EML6: variants seen among roughly 807,000 people sequenced by gnomAD.
EML6 encodes the protein echinoderm microtubule-associated protein-like 6.
A neutral mutation model predicts 240.1 loss-of-function variants in EML6; 154 were observed. The observed-to-expected ratio is 0.64, with a 90% CI of 0.56 to 0.73. The LOEUF (loss-of-function observed/expected upper bound fraction) is 0.73. Ranked by LOEUF, EML6 falls within the 30% of genes least tolerant of loss-of-function variation. The probability of loss-of-function intolerance (pLI) is 0.00; values close to 1 mark genes in which losing one functional copy is unlikely to be tolerated. For missense variants in EML6, 2,964 were observed against 2,474.6 expected, an observed-to-expected ratio of 1.20 and a Z score of -4.20; for synonymous variants, 1,148 against 899.0, an observed-to-expected ratio of 1.28 and a Z score of -4.95.
chr2:54,915,777 T>A (rs1673877569), intron 25 of EML6, among the ~76,000 whole-genome samples: 1 of 152,096 alleles, frequency 6.6e-6, no homozygotes, highest in Non-Finnish European at 1.5e-5. Context: ...GCAAAACAGT[T>A]TCAAATTCAA....
intron 21 of EML6, among the ~76,000 whole-genome samples, chr2:54,895,736 T>C (rs1672728247): frequency 1.3e-5 from 2 of 152,214 alleles, no homozygotes; most frequent in Admixed American, 1.3e-4. Context: ...ACTCATGTTG[T>C]TGGCAGAATT....
chr2:54,857,618 A>G lies in EML6; in HGVS notation c.1658-1916A>G, dbSNP rs531769846. Among the ~76,000 whole-genome samples, 4 of 152,316 alleles carry G rather than the reference A, an allele frequency of 2.6e-5. No individual in the cohort carries two copies. In the South Asian group the frequency reaches 6.2e-4, roughly 24 times the overall value. On this transcript the variant is annotated intron_variant, in intron 11 of 41. Transcript: ENST00000356458. Reference sequence around the variant, plus strand: ...AAAATAAAGCAAACAGTGGGAGCAGAGAATGCTGGAATTGGGCAGTGCAGT... The same window carrying G: ...AAAATAAAGCAAACAGTGGGAGCAGGGAATGCTGGAATTGGGCAGTGCAGT...
chr2:54,936,783 T>C (rs977691079), intron 28 of EML6, among the ~76,000 whole-genome samples: 1 of 152,198 alleles, frequency 6.6e-6, no homozygotes, highest in Non-Finnish European at 1.5e-5. Flanking sequence ...ACTTATAGCA[T>C]TTTTCACCTG....
At chr2:54,955,210 G>C (rs962898872) in intron 32 of EML6, among the ~76,000 whole-genome samples, 14 of 152,210 alleles carry the variant, frequency 9.2e-5, no homozygotes, top group Admixed American at 8.5e-4. Context: ...CAGGGGTGCA[G>C]ATTCATTCCT....
chr2:54,902,215 C>T (rs1673094068), intron 22 of EML6, among the ~76,000 whole-genome samples: 1 of 152,140 alleles, frequency 6.6e-6, no homozygotes, highest in African/African-American at 2.4e-5. Context: ...TTAAATATTA[C>T]CTCTTTTCTT....
At chr2:54,871,266 A>G (rs143522500) in intron 15 of EML6, among the ~76,000 whole-genome samples, 24 of 152,350 alleles carry the variant, frequency 1.6e-4, no homozygotes, top group Admixed American at 1.1e-3. Context: ...AGGCCCAGGC[A>G]TCAGGTTAGG....
rs148679955 is a variant in EML6 at position 54,803,067 on chromosome 2, T to C, written c.198-10165T>C. On this transcript the variant is annotated intron_variant, in intron 2 of 41. Transcript: ENST00000356458. ...AAACACCAACTTGCTGGATGAAATA[T>C]TACATATGATCCTCATTGAAAGAGA... 1.1e-3 allele frequency among the ~76,000 whole-genome samples: 163 copies of C among 152,140 alleles called. 1 individual carries two copies. Among genetic ancestry groups the C allele is most frequent in the African/African-American group, 3.7e-3 (153 of 41,512 alleles).
chr2:54,917,273 A>T (rs937465403), intron 26 of EML6, among the ~76,000 whole-genome samples: 5 of 150,684 alleles, frequency 3.3e-5, no homozygotes, highest in Non-Finnish European at 5.9e-5. Context: ...ATCACACAGC[A>T]CCCCAACTGA....
chr2:54,950,405 G>T (rs934250242), intron 29 of EML6, among the ~76,000 whole-genome samples: 1 of 152,196 alleles, frequency 6.6e-6, no homozygotes, highest in Non-Finnish European at 1.5e-5. Context: ...GTAAATCTGG[G>T]TTTTTTGGAA....
chr2:54,827,945 C>T (rs1668675660), intron 6 of EML6, among the ~76,000 whole-genome samples, 194 bp downstream of exon 6: 1 of 152,120 alleles, frequency 6.6e-6, no homozygotes, highest in East Asian at 1.9e-4. Flanking sequence ...TGTAATTAGC[C>T]CTCACCTTAA....
chr2:54,944,692 T>C (rs2104459099), intron 28 of EML6, among the ~76,000 whole-genome samples: 1 of 152,218 alleles, frequency 6.6e-6, no homozygotes, highest in South Asian at 2.1e-4. Flanking sequence ...CAAGAGCATT[T>C]TCAAGAGGGT....
At chr2:54,951,626 G>A (rs1460806023) in intron 30 of EML6, among the ~76,000 whole-genome samples, 3 of 150,884 alleles carry the variant, frequency 2.0e-5, no homozygotes, top group Non-Finnish European at 4.4e-5. Flanking sequence ...GAACCATTCA[G>A]AAATTAACAG....
intron 7 of EML6, among the ~76,000 whole-genome samples, chr2:54,837,666 C>G (rs1276506297): frequency 6.6e-6 from 1 of 152,184 alleles, no homozygotes; most frequent in African/African-American, 2.4e-5. Flanking sequence ...AGCTGGTGAC[C>G]TGCTGGGCAC....
intron 26 of EML6, among the ~76,000 whole-genome samples, chr2:54,917,653 G>A (rs754830936): frequency 2.6e-5 from 4 of 152,126 alleles, no homozygotes; most frequent in Non-Finnish European, 4.4e-5. Flanking sequence ...GAGCCACTGC[G>A]CCTGGCCTCT....
At chr2:54,885,019 G>A (rs961879976) in intron 17 of EML6, among the ~76,000 whole-genome samples, 2 of 151,950 alleles carry the variant, frequency 1.3e-5, no homozygotes, top group African/African-American at 4.8e-5. Context: ...AAAATTACCC[G>A]GGCATGATGG....
chr2:54,765,592 G>A (rs1177714625), intron 2 of EML6, among the ~76,000 whole-genome samples: 2 of 152,050 alleles, frequency 1.3e-5, no homozygotes, highest in Non-Finnish European at 2.9e-5. Context: ...TCCCTAGTAG[G>A]TGGGACTACA....
rs112235365 is a variant in EML6 at position 54,801,370 on chromosome 2, C to T, written c.198-11862C>T. Among the ~76,000 whole-genome samples the T allele has an allele frequency of 6.0e-3, 901 of 151,016 alleles. 10 individuals carry two copies. The highest frequency in any genetic ancestry group is 0.021 in the African/African-American group (848 of 41,184). On this transcript the variant is annotated intron_variant, in intron 2 of 41. Coordinates refer to ENST00000356458, the MANE Select transcript of EML6 (RefSeq NM_001039753.4). ...TGGAATTGAAAATTTCTTCCTATGA[C>T]GTGTCTGAGAATATGAAGTAATGAA...
chr2:54,961,145 G>A (rs1016879189), intron 35 of EML6, among the ~76,000 whole-genome samples: 2 of 139,302 alleles, frequency 1.4e-5, no homozygotes, highest in African/African-American at 5.4e-5. Flanking sequence ...GGAGATGAAG[G>A]CAGGACTATG....
At chr2:54,822,276 C>T (rs1668368039) in intron 5 of EML6, among the ~76,000 whole-genome samples, 1 of 152,122 alleles carries the variant, frequency 6.6e-6, no homozygotes, top group Non-Finnish European at 1.5e-5. Flanking sequence ...ACTCTCAAAC[C>T]TTGCTGGTAG....
Sources: gnomAD v4.1 joint callset for allele counts (sites outside exome capture counted in the v4.1 genomes callset) on GRCh38, gnomAD v4.1.1 for gene constraint, MANE v1.5 for transcripts, NCBI Gene and HGNC (gene_info 2026-07-23, HGNC 2026-07-21) for gene names.